The following A2M variants were observed in gnomAD, a reference collection of about 807,000 sequenced individuals.
A2M encodes alpha-2-macroglobulin, also known as C3 and PZP-like alpha-2-macroglobulin domain-containing protein 5.
Under a neutral mutation model 183.9 loss-of-function variants are expected in A2M, and 128 were observed. The ratio of observed to expected loss-of-function variants is 0.70; its 90% CI spans 0.60 to 0.81. A2M has a LOEUF of 0.81. A2M is among the 30% of genes least tolerant of loss of function. The pLI is 0.00. For synonymous variants in A2M, 592 were observed against 670.8 expected (o/e 0.88, Z 1.81); for missense variants, 1,495 against 1,787.6 (o/e 0.84, Z 2.95).
At chr12:9,090,261 G>T in intron 20 of A2M, 95 bp downstream of exon 20, 1 of 1,569,030 alleles carries the variant, frequency 6.4e-7, no homozygotes, top group South Asian at 1.1e-5. Context: ...AGCATCTAGT[G>T]GTCTTTTCCT....
rs1184801678 is a variant in A2M at position 9,115,583 on chromosome 12, T to G, written c.86+181A>C. 5.4e-6 allele frequency: 3 copies of G among 558,682 alleles called. No homozygotes were observed. In the East Asian group the frequency reaches 9.5e-5, roughly 18 times the overall value. The allele number at this position is 558,682 out of a possible 1,614,324, so 34.6% of individuals were successfully genotyped here. On this transcript the variant is annotated intron_variant, in intron 1 of 35. Coordinates refer to ENST00000318602, the MANE Select transcript of A2M (RefSeq NM_000014.6). ...TTTGCATATTAGAGCTTCAGAGAGT[T>G]GGGGAAGAATGATTAAAAGTAAGCA...
chr12:9,109,119 G>A (rs1938531078), intron 7 of A2M, among the ~76,000 whole-genome samples: 2 of 152,030 alleles, frequency 1.3e-5, no homozygotes, highest in Admixed American at 6.6e-5. Context: ...CTTACCTCAT[G>A]ATAGAATAAT....
In A2M at chr12:9,080,299, G is replaced by T. The variant is rs752047879; in HGVS notation, c.2771-122C>A. ...CTAAACTCCTCCTGAAAAGTTGTCC[G>T]CCTTTAATACAACAGTAATATATAA... On this transcript the variant is annotated intron_variant, in intron 22 of 35. Transcript: ENST00000318602. 9.3e-6 allele frequency: 5 copies of T among 537,912 alleles called. No homozygotes were observed. In the African/African-American group the frequency reaches 9.8e-5, roughly 10 times the overall value. 33.3% of individuals were successfully genotyped at this position (537,912 alleles called of 1,614,324 possible).
rs1297696976 is a variant in A2M, at chr12:9,115,809, A to T, written c.41T>A (p.Leu14His). The change falls in exon 1 of 36, where the codon CTC becomes CAC. Residue 14 changes from leucine (L) to histidine (H), a missense_variant. Leu to His is a moderately conservative substitution (Grantham distance 99). Coordinates refer to ENST00000318602, the MANE Select transcript of A2M (RefSeq NM_000014.6). ...NKLLHPSLVL[L>H]LLVLLPTDAS... is the part of the protein sequence containing the mutation. The stretch of plus-strand genomic sequence containing the variant: ...GTCTGTGGGCAGGAGGACCAAGAGG[A>T]GAAGAACCAGACTTGGATGAAGGAG... 6.2e-7 allele frequency: 1 copy of T among 1,613,574 alleles called. No individual in the cohort carries two copies. The highest frequency in any genetic ancestry group is 1.1e-5 in the South Asian group (1 of 91,076).
intron 15 of A2M, among the ~76,000 whole-genome samples, chr12:9,096,573 G>C (rs147358461): frequency 2.0e-4 from 31 of 152,252 alleles, no homozygotes; most frequent in Non-Finnish European, 4.1e-4. Flanking sequence ...AACTTTAACC[G>C]TAAAATTCTA....
chr12:9,071,039 T>C (rs7299600), intron 31 of A2M, among the ~76,000 whole-genome samples: 59,167 of 151,728 alleles, frequency 0.39, 12,545 homozygotes, highest in African/African-American at 0.54. Flanking sequence ...AGGCTGGTCT[T>C]GAACTCCCGA....
Position 9,079,421 on chromosome 12 carries a change from G to A in A2M, c.3032-90C>T, listed in dbSNP as rs1162301301. 3.0e-6 allele frequency: 4 copies of A among 1,341,656 alleles called. No homozygotes were observed. In the Admixed American group the frequency reaches 7.4e-5, roughly 25 times the overall value. The allele number at this position is 1,341,656 out of a possible 1,614,324, so 83.1% of individuals were successfully genotyped here. A position where few individuals can be genotyped will look rare whatever the true frequency, so the allele number is the denominator to read the frequency against. On this transcript the variant is annotated intron_variant, in intron 24 of 35. Transcript: ENST00000318602. Reference sequence around the variant, plus strand: ...CTAAAAGTACCTTGGCTTCTCTTGTGACATTTCTTAAATTTTGTTGTCATA... The same window carrying A: ...CTAAAAGTACCTTGGCTTCTCTTGTAACATTTCTTAAATTTTGTTGTCATA...
chr12:9,108,377 C>T (rs1938468991), intron 7 of A2M, among the ~76,000 whole-genome samples: 1 of 152,192 alleles, frequency 6.6e-6, no homozygotes, highest in Non-Finnish European at 1.5e-5. Flanking sequence ...CTGCCCACCT[C>T]AGCCTCCCAA....
At position 9,107,526 on chromosome 12, in the gene A2M, G is replaced by A; in HGVS notation, c.877C>T (p.Gln293Ter). Residue 293 changes from glutamine to a stop codon, truncating the protein, a stop_gained and splice_region_variant, in exon 8 of 36, where the codon CAG becomes TAG. Coordinates refer to ENST00000318602, the MANE Select transcript of A2M (RefSeq NM_000014.6). LOFTEE classifies it high-confidence loss of function. ...AGAAAAAATAGTGTTCAACCTACCT[G>A]TCCACTGAATTTCTCACAGAAAGCC... ...SQAFCEKFSG[Q>*]LNSHGCFYQQ... is the part of the protein sequence containing the mutation. 6.2e-7 allele frequency: 1 copy of A among 1,613,732 alleles called. No individual in the cohort carries two copies. Among genetic ancestry groups the A allele is most frequent in the Non-Finnish European group, 8.5e-7 (1 of 1,179,748 alleles).
chr12:9,085,066 C>T (rs1949015608), intron 22 of A2M, among the ~76,000 whole-genome samples: 1 of 152,008 alleles, frequency 6.6e-6, no homozygotes. Flanking sequence ...AGATATGTTG[C>T]AATGCAGTAA....
In A2M at chr12:9,093,598, A is replaced by G; in HGVS notation, c.2126-19T>C. On this transcript the variant is annotated intron_variant, in intron 17 of 35. Coordinates refer to ENST00000318602, the MANE Select transcript of A2M (RefSeq NM_000014.6). ...TCTGACTCTATGGTGAGTGAGGAAG[A>G]AGACATTACAATAAACATACAGATA... is the stretch of plus-strand genomic sequence containing the variant. The G allele has an allele frequency of 7.1e-7, 1 of 1,415,096 alleles. No homozygotes were observed. The highest frequency in any genetic ancestry group is 9.7e-7 in the Non-Finnish European group (1 of 1,029,054). 87.7% of individuals were successfully genotyped at this position (1,415,096 alleles called of 1,614,324 possible). A position where few individuals can be genotyped will look rare whatever the true frequency, so the allele number is the denominator to read the frequency against.
rs1172350259 is a variant in A2M at position 9,079,633 on chromosome 12, A to C, written c.3031+6T>G. ...CAAGTTTTCCCTTACTCAAGTAATC[A>C]CTCACCAGTGTTGAGATAGCCAATG... On this transcript the variant is annotated splice_donor_region_variant and intron_variant, in intron 24 of 35. Transcript: ENST00000318602. The C allele has an allele frequency of 6.2e-7, 1 of 1,609,158 alleles. No individual in the cohort carries two copies. Among genetic ancestry groups the C allele is most frequent in the Non-Finnish European group, 8.5e-7 (1 of 1,177,958 alleles).
intron 34 of A2M, 64 bp downstream of exon 34, chr12:9,068,676 T>C: frequency 7.6e-7 from 1 of 1,308,448 alleles, no homozygotes. Flanking sequence ...CCAACACATC[T>C]CCTAAACCTG....
chr12:9,067,886 T>C (rs756513692), intron 35 of A2M, 47 bp from the exon 36 acceptor site: 5 of 1,576,576 alleles, frequency 3.2e-6, no homozygotes, highest in Non-Finnish European at 4.3e-6. Flanking sequence ...TGGGTCTCCA[T>C]GAGCAGAGAG....
rs187337933 is a variant in A2M, at chr12:9,098,359, C to T, written c.1851+248G>A. On this transcript the variant is annotated intron_variant, in intron 15 of 35. Coordinates refer to ENST00000318602, the MANE Select transcript of A2M (RefSeq NM_000014.6). ...TTGTTAATTTTCATCACATTTTGTC[C>T]TTTTAAAAATTCTTTTATTTGATTC... 2.3e-3 allele frequency: 476 copies of T among 208,670 alleles called. 2 individuals carry two copies. Among genetic ancestry groups the T allele is most frequent in the African/African-American group, 0.01 (440 of 42,982 alleles). The allele number at this position is 208,670 out of a possible 1,614,324, so 12.9% of individuals were successfully genotyped here.
rs1219762849 is a variant in A2M at position 9,109,390 on chromosome 12, T to C, written c.689A>G (p.Glu230Gly). Residue 230 changes from glutamate (E) to glycine (G), a missense_variant, in exon 7 of 36, where the codon GAA becomes GGA. By Grantham distance (98) the Glu-to-Gly change is moderately conservative. Transcript: ENST00000318602. Reference sequence around the variant, plus strand: ...TATCTTTGGCACTGTTACTTGTACTTCAAACTTGGGAAGAACTGTTGATTG... The same window carrying C: ...TATCTTTGGCACTGTTACTTGTACTCCAAACTTGGGAAGAACTGTTGATTG... ...TVEEFVLPKF[E>G]VQVTVPKIIT... The C allele has an allele frequency of 1.9e-6, 3 of 1,612,902 alleles. No individual in the cohort carries two copies. Among genetic ancestry groups the C allele is most frequent in the Admixed American group, 3.3e-5 (2 of 59,986 alleles).
chr12:9,096,120 T>G (rs1219489315), intron 15 of A2M, among the ~76,000 whole-genome samples: 3 of 152,220 alleles, frequency 2.0e-5, no homozygotes, highest in Admixed American at 2.0e-4. Context: ...CGTCTTTCTT[T>G]GAGCGCTCTC....
Position 9,074,645 on chromosome 12 carries a change from G to A in A2M, c.3671C>T (p.Thr1224Ile). The change falls in exon 29 of 36, where the codon ACC becomes ATC. Residue 1224 changes from threonine to isoleucine, a missense_variant. Coordinates refer to ENST00000318602, the MANE Select transcript of A2M (RefSeq NM_000014.6). ...LAYLTAQPAP[T>I]SEDLTSATNI... is the part of the protein sequence containing the mutation. ...GGTTGCAGAGGTCAGGTCCTCCGAG[G>A]TTGGGGCTGGCTGGGCCGTGAGATA... The A allele has an allele frequency of 1.2e-6, 2 of 1,614,022 alleles. No homozygotes were observed. Among genetic ancestry groups the A allele is most frequent in the South Asian group, 1.1e-5 (1 of 91,028 alleles).
chr12:9,101,453 A>T lies in A2M; in HGVS notation c.1488T>A (p.Tyr496Ter). ...CAGTAACCTCCCTTCTCACCAGATA[A>T]TAGAAGGAGAGCTTCTTCAGCCCCA... The part of the protein sequence containing the change: ...TLLGLKKLSF[Y>*]YLIMAKGGIV... The change falls in exon 12 of 36, where the codon TAT (tyrosine) becomes TAA (stop). Residue 496 changes from tyrosine (Y) to a stop codon, truncating the protein, a stop_gained. Coordinates refer to ENST00000318602, the MANE Select transcript of A2M (RefSeq NM_000014.6). LOFTEE classifies it high-confidence loss of function. The T allele has an allele frequency of 6.2e-7, 1 of 1,611,948 alleles. No individual in the cohort carries two copies. The highest frequency in any genetic ancestry group is 8.5e-7 in the Non-Finnish European group (1 of 1,178,298).
Sources: gnomAD v4.1 joint callset for allele counts (sites outside exome capture counted in the v4.1 genomes callset) on GRCh38, gnomAD v4.1.1 for gene constraint, MANE v1.5 for transcripts, NCBI Gene and HGNC (gene_info 2026-07-23, HGNC 2026-07-21) for gene names.